ADAMTSL1: variants seen among roughly 807,000 people sequenced by gnomAD.
ADAMTSL1 encodes ADAMTS like 1.
A neutral mutation model predicts 201.8 loss-of-function variants in ADAMTSL1; 126 were observed. The observed-to-expected ratio is 0.62, with a 90% CI of 0.54 to 0.72. The LOEUF is 0.72. ADAMTSL1 is among the 30% of genes least tolerant of loss of function. The probability of loss-of-function intolerance (pLI) is 0.00; values close to 1 mark genes in which losing one functional copy is unlikely to be tolerated. For missense variants in ADAMTSL1, 2,679 were observed against 2,277.8 expected (o/e 1.18, Z -3.59); for synonymous variants, 1,121 against 903.4 (o/e 1.24, Z -4.32).
chr9:18,234,401 A>G (rs1587366737), intron 2 of ADAMTSL1, among the ~76,000 whole-genome samples: 1 of 152,056 alleles, frequency 6.6e-6, no homozygotes, highest in East Asian at 1.9e-4. Flanking sequence ...AACAGAGGAA[A>G]CTGACATTTC....
chr9:18,289,724 A>G (rs1159967855), intron 2 of ADAMTSL1, among the ~76,000 whole-genome samples: 2 of 152,166 alleles, frequency 1.3e-5, no homozygotes, highest in Non-Finnish European at 2.9e-5. Context: ...TCTTTCCTCA[A>G]GTTTCTTTCA....
chr9:18,159,352 GA>G (rs1827289960), intron 1 of ADAMTSL1, among the ~76,000 whole-genome samples: 1 of 151,952 alleles, frequency 6.6e-6, no homozygotes. Context: ...AGTTTTCACA[GA>G]AAAACTAAAT....
chr9:18,694,271 C>T (rs1025486345), intron 13 of ADAMTSL1, among the ~76,000 whole-genome samples: 1 of 152,090 alleles, frequency 6.6e-6, no homozygotes, highest in Non-Finnish European at 1.5e-5. Context: ...GCCCCTGGCC[C>T]CTCCCAAATC....
rs554946076 is a variant in ADAMTSL1 at position 18,712,218 on chromosome 9, C to T, written c.1876+5170C>T. ...CTCCTCCTCCAAAGGATCACAGTTC[C>T]TCACCAGCAACGGAACAAAGCTGGA... On this transcript the variant is annotated intron_variant, in intron 14 of 28. Coordinates refer to ENST00000380548, the MANE Select transcript of ADAMTSL1 (RefSeq NM_001040272.6). Among the ~76,000 whole-genome samples the T allele has an allele frequency of 4.6e-5, 7 of 152,358 alleles. No homozygotes were observed. In the East Asian group the frequency reaches 1.3e-3, roughly 29 times the overall value.
chr9:18,124,379 C>T (rs564858174), intron 1 of ADAMTSL1, among the ~76,000 whole-genome samples: 1 of 152,274 alleles, frequency 6.6e-6, no homozygotes, highest in Non-Finnish European at 1.5e-5. Context: ...CCACACCCGA[C>T]AGCCACTTCT....
chr9:18,209,385 G>A (rs12002366), intron 2 of ADAMTSL1, among the ~76,000 whole-genome samples: 2,812 of 152,222 alleles, frequency 0.018, 101 homozygotes, highest in African/African-American at 0.064. Flanking sequence ...GTAGTAAAAT[G>A]CCTTTTTGTT....
At chr9:18,681,703 G>GGGGGGT (rs1830494784) in intron 11 of ADAMTSL1, 109 bp from the exon 12 acceptor site, 1 of 710,182 alleles carries the variant, frequency 1.4e-6, no homozygotes, top group African/African-American at 2.5e-5. Context: ...CGTGTGGGGG[G>GGGGGGT]GGGGGGCGGG....
chr9:18,089,590 T>C (rs1823917924), intron 1 of ADAMTSL1, among the ~76,000 whole-genome samples: 1 of 152,158 alleles, frequency 6.6e-6, no homozygotes, highest in Non-Finnish European at 1.5e-5. Context: ...GTTCTGTGCA[T>C]GTATCCCAGA....
At chr9:18,863,923 C>G (rs1370324392) in intron 23 of ADAMTSL1, among the ~76,000 whole-genome samples, 1 of 152,148 alleles carries the variant, frequency 6.6e-6, no homozygotes, top group Non-Finnish European at 1.5e-5. Context: ...CTGACTACAC[C>G]AAGTGCCAAG....
At chr9:18,400,150 T>TGACA (rs1194127807) in intron 2 of ADAMTSL1, among the ~76,000 whole-genome samples, 3 of 108,912 alleles carry the variant, frequency 2.8e-5, no homozygotes, top group Non-Finnish European at 4.1e-5. Context: ...TTAAGTTTTT[T>TGACA]CTTTTTTTTA....
At chr9:17,981,914 A>G (rs952477537) in intron 1 of ADAMTSL1, among the ~76,000 whole-genome samples, 2 of 152,158 alleles carry the variant, frequency 1.3e-5, no homozygotes, top group Non-Finnish European at 2.9e-5. Context: ...AAGACTCCCC[A>G]CCATGGTTGG....
chr9:17,974,880 C>G (rs11792942), intron 1 of ADAMTSL1, among the ~76,000 whole-genome samples: 41,016 of 151,768 alleles, frequency 0.27, 5,836 homozygotes, highest in Middle Eastern at 0.32. Flanking sequence ...TTGATACATA[C>G]CAGAATGGGG....
chr9:18,071,237 TTG>T (rs1283435452), intron 1 of ADAMTSL1, among the ~76,000 whole-genome samples: 1 of 152,198 alleles, frequency 6.6e-6, no homozygotes, highest in Non-Finnish European at 1.5e-5. Context: ...TATAACTTTT[TTG>T]TTTGTTGTCA....
Position 18,890,731 on chromosome 9 carries a change from C to A in ADAMTSL1, c.4643+983C>A, listed in dbSNP as rs894294955. ...CCGCTCCTTTCTCAAACCCCCCCCA[C>A]CCCAGCTCCTGAAAAATTGCTGAAA... On this transcript the variant is annotated intron_variant, in intron 25 of 28. Transcript: ENST00000380548. 3.4e-5 allele frequency: 12 copies of A among 351,064 alleles called. No homozygotes were observed. The Admixed American group carries it at 4.1e-4, about 12-fold the overall frequency. 21.7% of individuals were successfully genotyped at this position (351,064 alleles called of 1,614,324 possible). A position where few individuals can be genotyped will look rare whatever the true frequency, so the allele number is the denominator to read the frequency against.
intron 1 of ADAMTSL1, 25 bp downstream of exon 1, chr9:18,474,320 A>G (rs537184899): frequency 5.0e-6 from 8 of 1,611,434 alleles, no homozygotes; most frequent in Non-Finnish European, 6.8e-6. Context: ...ATTTCAATGC[A>G]TTGCTATTGC....
At chr9:18,393,165 C>G (rs1161477287) in intron 2 of ADAMTSL1, among the ~76,000 whole-genome samples, 1 of 152,210 alleles carries the variant, frequency 6.6e-6, no homozygotes, top group East Asian at 1.9e-4. Context: ...TTTACTCCAA[C>G]TTACACAGTC....
intron 26 of ADAMTSL1, among the ~76,000 whole-genome samples, chr9:18,901,046 A>G (rs1829987648): frequency 6.6e-6 from 1 of 152,014 alleles, no homozygotes. Context: ...GCCTTCCTCT[A>G]TGATTGTAAG....
intron 1 of ADAMTSL1, among the ~76,000 whole-genome samples, chr9:17,974,262 A>G (rs1049071558): frequency 1.3e-5 from 2 of 152,012 alleles, no homozygotes; most frequent in Non-Finnish European, 2.9e-5. Context: ...CAGGCAGGAA[A>G]AGGAAATAAA....
chr9:18,811,025 AAAAAAAAAAAC>A lies in ADAMTSL1; in HGVS notation c.3806-6080_3806-6070del, dbSNP rs1197083090. On this transcript the variant is annotated intron_variant, in intron 20 of 28. Coordinates refer to ENST00000380548, the MANE Select transcript of ADAMTSL1 (RefSeq NM_001040272.6). ...ACCAATGAGTACCAAAAAAAAAAAA[AAAAAAAAAAAC>A]AAACACCAGCTAGAAACCTTCTCTC... 3.3e-5 allele frequency among the ~76,000 whole-genome samples: 5 copies of A among 149,972 alleles called. 1 individual carries two copies. Among genetic ancestry groups the A allele is most frequent in the African/African-American group, 1.2e-4 (5 of 40,942 alleles).
Sources: gnomAD v4.1 joint callset for allele counts (sites outside exome capture counted in the v4.1 genomes callset) on GRCh38, gnomAD v4.1.1 for gene constraint, MANE v1.5 for transcripts, NCBI Gene and HGNC (gene_info 2026-07-23, HGNC 2026-07-21) for gene names.